The following YPEL2 variants were observed in gnomAD, a reference collection of about 807,000 sequenced individuals.
The protein encoded by YPEL2 is yippee like 2, also known as protein yippee-like 2.
A neutral mutation model predicts 19.1 loss-of-function variants in YPEL2; 2 were observed. The ratio of observed to expected loss-of-function variants is 0.10; its 90% CI spans 0.04 to 0.33. YPEL2 has a LOEUF of 0.33. Ranked by LOEUF, YPEL2 falls within the 10% of genes least tolerant of loss-of-function variation. The pLI, the probability that YPEL2 is intolerant of heterozygous loss-of-function variation, is 1.00. For missense variants in YPEL2, 66 were observed against 140.7 expected (o/e 0.47, Z 2.68); for synonymous variants, 52 against 50.0 (o/e 1.04, Z -0.17).
rs140929330 is a variant in YPEL2 at position 59,368,451 on chromosome 17, A to G, written c.117+14925A>G. Among the ~76,000 whole-genome samples, 43 of 152,348 alleles carry G rather than the reference A, an allele frequency of 2.8e-4. No individual in the cohort carries two copies. The East Asian group carries it at 6.6e-3, about 23-fold the overall frequency. ...AAATAGATAAACAGTGATAAAATGT[A>G]GTGAAACACAGTCATTGTTTCACTG... On this transcript the variant is annotated intron_variant, in intron 2 of 4. Coordinates refer to ENST00000312655, the MANE Select transcript of YPEL2 (RefSeq NM_001005404.4).
intron 4 of YPEL2, among the ~76,000 whole-genome samples, chr17:59,392,328 G>T (rs1055674231): frequency 2.0e-5 from 3 of 152,014 alleles, no homozygotes; most frequent in African/African-American, 7.3e-5. Flanking sequence ...CCAAAAAAAT[G>T]GATAAGATCC....
At chr17:59,342,323 C>T (rs903232132) in intron 1 of YPEL2, among the ~76,000 whole-genome samples, 7 of 152,178 alleles carry the variant, frequency 4.6e-5, no homozygotes, top group African/African-American at 1.7e-4. Context: ...GTGGGAAACA[C>T]AGATGACAAT....
intron 2 of YPEL2, among the ~76,000 whole-genome samples, chr17:59,384,322 T>C (rs1361634156): frequency 6.6e-6 from 1 of 152,248 alleles, no homozygotes; most frequent in Non-Finnish European, 1.5e-5. Flanking sequence ...CCACAAAATA[T>C]TGACAAAAAC....
At chr17:59,358,430 T>C (rs116147267) in intron 2 of YPEL2, among the ~76,000 whole-genome samples, 3,118 of 152,134 alleles carry the variant, frequency 0.02, 115 homozygotes, top group African/African-American at 0.07. Context: ...CACCTCTGGC[T>C]CTGAGCCCTG....
rs560730373 is a variant in YPEL2, at chr17:59,394,153, G to A, written c.271-2948G>A. ...TGGCCAGGCGGGGGGCTGACCCCCCGACCTCCCTCCCGGACGGGGCGGCTG... is the reference window on the plus strand; with the variant it reads ...TGGCCAGGCGGGGGGCTGACCCCCCAACCTCCCTCCCGGACGGGGCGGCTG... On this transcript the variant is annotated intron_variant, in intron 4 of 4. Transcript: ENST00000312655. Among the ~76,000 whole-genome samples the A allele has an allele frequency of 8.0e-5, 12 of 149,174 alleles. No individual in the cohort carries two copies. The South Asian group carries it at 2.1e-3, about 27-fold the overall frequency.
In YPEL2 at chr17:59,378,347, C is replaced by CTTT. The variant is rs35976467; in HGVS notation, c.118-9967_118-9965dup. Among the ~76,000 whole-genome samples, 546 of 142,080 alleles carry CTTT rather than the reference C, an allele frequency of 3.8e-3. 3 individuals are homozygous for CTTT. The highest frequency in any genetic ancestry group is 0.013 in the African/African-American group (506 of 37,926). The allele number at this position is 142,080 out of a possible 152,430, so 93.2% of individuals were successfully genotyped here. A position where few individuals can be genotyped will look rare whatever the true frequency, so the allele number is the denominator to read the frequency against. On this transcript the variant is annotated intron_variant, in intron 2 of 4. Transcript: ENST00000312655. ...ATGGCTTAAGTCCCAGAGTCTCCTC[C>CTTT]TTTTTTTTTTTTTTTGAGACAAGTT...
intron 1 of YPEL2, among the ~76,000 whole-genome samples, chr17:59,343,140 G>A (rs1467183511): frequency 6.6e-6 from 1 of 152,176 alleles, no homozygotes; most frequent in Non-Finnish European, 1.5e-5. Flanking sequence ...GAGTTTACTG[G>A]CTTTTTAACT....
At chr17:59,393,504 T>A (rs1322397391) in intron 4 of YPEL2, among the ~76,000 whole-genome samples, 2 of 150,096 alleles carry the variant, frequency 1.3e-5, no homozygotes, top group Admixed American at 6.6e-5. Flanking sequence ...ATTTTTTATT[T>A]TTTTATTTTA....
chr17:59,334,708 T>C (rs1003549448), intron 1 of YPEL2, among the ~76,000 whole-genome samples: 2 of 152,126 alleles, frequency 1.3e-5, no homozygotes, highest in African/African-American at 2.4e-5. Context: ...GCGATTTAGC[T>C]TCAAAAAGGA....
intron 2 of YPEL2, among the ~76,000 whole-genome samples, chr17:59,380,808 G>A (rs982013597): frequency 1.3e-5 from 2 of 152,166 alleles, no homozygotes; most frequent in Admixed American, 6.5e-5. Flanking sequence ...TAAAAGCGGT[G>A]GATTCACAGA....
intron 4 of YPEL2, among the ~76,000 whole-genome samples, chr17:59,392,126 C>T (rs2147959143): frequency 6.6e-6 from 1 of 152,264 alleles, no homozygotes; most frequent in African/African-American, 2.4e-5. Context: ...GGCCTTTTGG[C>T]TAAGATCAAG....
chr17:59,336,944 C>A (rs914312998), intron 1 of YPEL2, among the ~76,000 whole-genome samples: 24 of 152,178 alleles, frequency 1.6e-4, no homozygotes, highest in African/African-American at 5.8e-4. Flanking sequence ...TCTATCTGCT[C>A]CTGTGGCGAT....
At chr17:59,389,166 T>C (rs2047995681) in intron 3 of YPEL2, 194 bp from the exon 4 acceptor site, 3 of 571,318 alleles carry the variant, frequency 5.3e-6, no homozygotes. Flanking sequence ...CACTAGAACT[T>C]GCAGATCTGA....
At chr17:59,332,508 C>T (rs2047676524) in intron 1 of YPEL2, among the ~76,000 whole-genome samples, 2 of 152,170 alleles carry the variant, frequency 1.3e-5, no homozygotes, top group Admixed American at 6.5e-5. Context: ...CTCCCCGGAG[C>T]TGGCGCTTAG....
Position 59,354,335 on chromosome 17 carries a change from A to G in YPEL2, c.117+809A>G, listed in dbSNP as rs139273663. 85 of 152,250 alleles carry G rather than the reference A, an allele frequency of 5.6e-4. 1 individual carries two copies. The highest frequency in any genetic ancestry group is 1.9e-3 in the African/African-American group (78 of 41,544). 9.4% of individuals were successfully genotyped at this position (152,250 alleles called of 1,614,324 possible). A position where few individuals can be genotyped will look rare whatever the true frequency, so the allele number is the denominator to read the frequency against. Reference sequence around the variant, plus strand: ...TGGGAGACTTTTCCCTTACAAAAGCATCTTTACCCAGAACCTGGACTTCAC... The same window carrying G: ...TGGGAGACTTTTCCCTTACAAAAGCGTCTTTACCCAGAACCTGGACTTCAC... On this transcript the variant is annotated intron_variant, in intron 2 of 4. Coordinates refer to ENST00000312655, the MANE Select transcript of YPEL2 (RefSeq NM_001005404.4).
chr17:59,370,912 A>G (rs751485414), intron 2 of YPEL2, among the ~76,000 whole-genome samples: 1 of 151,982 alleles, frequency 6.6e-6, no homozygotes, highest in Admixed American at 6.6e-5. Context: ...GGTCAGGGGG[A>G]GTGACCCTGT....
chr17:59,341,535 T>C (rs2147934745), intron 1 of YPEL2, among the ~76,000 whole-genome samples: 1 of 152,164 alleles, frequency 6.6e-6, no homozygotes, highest in African/African-American at 2.4e-5. Flanking sequence ...GGCGGGTGCC[T>C]ATAATCCCAG....
At chr17:59,369,749 GCACTTTA>G (rs1311249893) in intron 2 of YPEL2, among the ~76,000 whole-genome samples, 1 of 152,232 alleles carries the variant, frequency 6.6e-6, no homozygotes, top group East Asian at 1.9e-4. Flanking sequence ...CTGCCATCCA[GCACTTTA>G]CACTTGTAGT....
rs2047877078 is a variant in YPEL2, at chr17:59,367,663, C to T, written c.117+14137C>T. ...TGTGATTTCAAGAGGAATCTCAAAC[C>T]AGCATGGTGGCTTGTATGAAGAGTG... On this transcript the variant is annotated intron_variant, in intron 2 of 4. Coordinates refer to ENST00000312655, the MANE Select transcript of YPEL2 (RefSeq NM_001005404.4). Among the ~76,000 whole-genome samples, 3 of 152,208 alleles carry T rather than the reference C, an allele frequency of 2.0e-5. No homozygotes were observed. The South Asian group carries it at 6.2e-4, about 32-fold the overall frequency.
Sources: allele counts gnomAD v4.1 joint callset (sites outside exome capture counted in the v4.1 genomes callset), GRCh38; gene constraint gnomAD v4.1.1; transcripts MANE v1.5; gene names NCBI Gene and HGNC (gene_info 2026-07-23, HGNC 2026-07-21).